PRKG1: variants seen among roughly 807,000 people sequenced by gnomAD.
PRKG1 encodes protein kinase cGMP-dependent 1.
Under a neutral mutation model 88.1 loss-of-function variants are expected in PRKG1, and 35 were observed. The observed-to-expected ratio is 0.40, with a 90% CI of 0.30 to 0.53. PRKG1 has a LOEUF of 0.53. Among genes scored for constraint, PRKG1 ranks in the 20% least tolerant of loss-of-function variants. PRKG1 has a pLI of 0.59. For missense variants in PRKG1, 540 were observed against 839.8 expected (o/e 0.64, Z 4.41); for synonymous variants, 303 against 292.5 (o/e 1.04, Z -0.37).
At chr10:52,166,544 C>T (rs1838445065) in intron 9 of PRKG1, among the ~76,000 whole-genome samples, 1 of 147,148 alleles carries the variant, frequency 6.8e-6, no homozygotes, top group South Asian at 2.1e-4. Context: ...CACCATTCTC[C>T]TGCCTCAGCC....
chr10:52,148,757 A>C (rs558347080), intron 8 of PRKG1, among the ~76,000 whole-genome samples: 1 of 152,090 alleles, frequency 6.6e-6, no homozygotes, highest in Non-Finnish European at 1.5e-5. Flanking sequence ...CTCACCGAGG[A>C]TGGGACCTGG....
intron 2 of PRKG1, among the ~76,000 whole-genome samples, chr10:51,330,128 TA>T (rs1228605223): frequency 1.7e-4 from 24 of 144,170 alleles, no homozygotes; most frequent in Middle Eastern, 3.7e-3. Flanking sequence ...TTTATTTATT[TA>T]TTTATTTATT....
intron 3 of PRKG1, among the ~76,000 whole-genome samples, chr10:51,734,064 G>A (rs905506757): frequency 6.6e-6 from 1 of 151,556 alleles, no homozygotes; most frequent in Non-Finnish European, 1.5e-5. Context: ...AAGTATTTTA[G>A]CTTTTTTAAA....
chr10:51,274,365 G>A (rs73337579), intron 2 of PRKG1, among the ~76,000 whole-genome samples: 19,927 of 151,934 alleles, frequency 0.13, 1,375 homozygotes, highest in East Asian at 0.19. Flanking sequence ...TTGCAATTTG[G>A]CTTTGATTTG....
At chr10:52,131,711 G>C (rs1291219746) in intron 7 of PRKG1, among the ~76,000 whole-genome samples, 3 of 150,488 alleles carry the variant, frequency 2.0e-5, no homozygotes, top group Non-Finnish European at 3.0e-5. Context: ...GCCAGGCGTG[G>C]TGGTGGACTC....
chr10:51,848,390 G>A (rs1840458792), intron 4 of PRKG1, among the ~76,000 whole-genome samples: 1 of 152,000 alleles, frequency 6.6e-6, no homozygotes, highest in Non-Finnish European at 1.5e-5. Flanking sequence ...TATGGTTCCC[G>A]CACCCGTCTT....
intron 3 of PRKG1, among the ~76,000 whole-genome samples, chr10:51,709,100 A>G (rs909347936): frequency 3.9e-5 from 6 of 152,234 alleles, no homozygotes; most frequent in African/African-American, 7.2e-5. Context: ...TCTACAAAAC[A>G]TAAAACATTA....
At chr10:51,660,320 C>A (rs527786965) in intron 3 of PRKG1, among the ~76,000 whole-genome samples, 1 of 151,868 alleles carries the variant, frequency 6.6e-6, no homozygotes, top group African/African-American at 2.4e-5. Flanking sequence ...TCATCATCAT[C>A]TTTTTTAGCC....
chr10:51,858,462 T>A (rs1483595857), intron 4 of PRKG1, among the ~76,000 whole-genome samples: 4 of 118,532 alleles, frequency 3.4e-5, no homozygotes, highest in Admixed American at 2.2e-4. Flanking sequence ...CTGAATAAAG[T>A]TCAGGATTTT....
chr10:51,979,265 A>G (rs773066326), intron 5 of PRKG1, among the ~76,000 whole-genome samples: 2 of 151,922 alleles, frequency 1.3e-5, no homozygotes, highest in Non-Finnish European at 2.9e-5. Flanking sequence ...ACAGTTATTG[A>G]TTTGCATATG....
intron 7 of PRKG1, among the ~76,000 whole-genome samples, chr10:52,094,893 T>G (rs921237391): frequency 2.6e-5 from 4 of 152,232 alleles, no homozygotes; most frequent in African/African-American, 9.6e-5. Context: ...CTTCAACCTA[T>G]GAATTTGAGA....
intron 2 of PRKG1, among the ~76,000 whole-genome samples, chr10:51,206,500 A>T (rs1375391850): frequency 6.6e-6 from 1 of 152,078 alleles, no homozygotes; most frequent in African/African-American, 2.4e-5. Context: ...TAAAAAAAAA[A>T]AAAAAAGAAT....
chr10:51,615,104 T>C (rs1272125883), intron 3 of PRKG1, among the ~76,000 whole-genome samples: 1 of 147,502 alleles, frequency 6.8e-6, no homozygotes, highest in Admixed American at 6.8e-5. Flanking sequence ...TCTTTGAATA[T>C]ATTCAACTTT....
intron 2 of PRKG1, among the ~76,000 whole-genome samples, chr10:51,167,078 T>C (rs530449052): frequency 4.6e-4 from 70 of 152,284 alleles, no homozygotes; most frequent in African/African-American, 1.6e-3. Flanking sequence ...CTTCTAGAGC[T>C]CACATTCTGG....
At chr10:51,072,607 T>C (rs1249865739), upstream of PRKG1, among the ~76,000 whole-genome samples, 1 of 152,174 alleles carries the variant, frequency 6.6e-6, no homozygotes, top group East Asian at 1.9e-4. Flanking sequence ...GTTTTGAGAA[T>C]GATCCATTTT....
At chr10:51,920,347 C>T (rs12245197) in intron 5 of PRKG1, among the ~76,000 whole-genome samples, 63,720 of 151,762 alleles carry the variant, frequency 0.42, 13,939 homozygotes, top group Non-Finnish European at 0.48. Context: ...CAGTATAAGG[C>T]CCCGGGGAGA....
At chr10:51,608,197 G>A (rs983439870) in intron 3 of PRKG1, among the ~76,000 whole-genome samples, 10 of 152,122 alleles carry the variant, frequency 6.6e-5, no homozygotes, top group Non-Finnish European at 8.8e-5. Flanking sequence ...AACCGTAATA[G>A]GTTTGTTGCC....
intron 1 of PRKG1, among the ~76,000 whole-genome samples, chr10:51,014,390 C>G (rs1345149620): frequency 6.6e-6 from 1 of 150,644 alleles, no homozygotes; most frequent in East Asian, 1.9e-4. Flanking sequence ...CGTAAGATGG[C>G]TTTGTCTTTA....
At chr10:51,369,108 C>A (rs1015621679) in intron 2 of PRKG1, among the ~76,000 whole-genome samples, 1 of 152,126 alleles carries the variant, frequency 6.6e-6, no homozygotes, top group East Asian at 1.9e-4. Flanking sequence ...AAATCACTGC[C>A]GTAATGCACA....
Sources: allele counts gnomAD v4.1 joint callset (sites outside exome capture counted in the v4.1 genomes callset), GRCh38; gene constraint gnomAD v4.1.1; transcripts MANE v1.5; gene names NCBI Gene and HGNC (gene_info 2026-07-23, HGNC 2026-07-21).